The following C2CD3 variants were observed in gnomAD, a reference collection of about 807,000 sequenced individuals.
C2CD3 encodes the protein C2 domain containing 3 centriole elongation regulator.
Under a neutral mutation model 234.0 loss-of-function variants are expected in C2CD3, and 148 were observed. The ratio of observed to expected loss-of-function variants is 0.63; its 90% CI spans 0.55 to 0.72. The LOEUF is 0.72. Among genes scored for constraint, C2CD3 ranks in the 30% least tolerant of loss-of-function variants. The pLI is 0.00. For synonymous variants in C2CD3, 1,000 were observed against 1,035.4 expected (o/e 0.97, Z 0.66); for missense variants, 2,577 against 2,811.5 (o/e 0.92, Z 1.89).
chr11:74,033,213 T>C, intron 31 of C2CD3, 138 bp downstream of exon 31: 3 of 662,714 alleles, frequency 4.5e-6, no homozygotes, highest in Non-Finnish European at 7.6e-6. Flanking sequence ...GCACCTGTCA[T>C]GCAGGTGGGG....
chr11:74,050,235 T>G (rs1407950544), intron 26 of C2CD3, among the ~76,000 whole-genome samples: 1 of 152,240 alleles, frequency 6.6e-6, no homozygotes, highest in Non-Finnish European at 1.5e-5. Flanking sequence ...TCTCTATATT[T>G]TCCAAATTTT....
At chr11:74,092,048 A>G (rs897414004) in intron 19 of C2CD3, among the ~76,000 whole-genome samples, 54 of 146,730 alleles carry the variant, frequency 3.7e-4, no homozygotes, top group African/African-American at 8.8e-4. Flanking sequence ...GTGTGTGTGT[A>G]TATATATATA....
At chr11:74,093,523 A>C (rs1348802892) in intron 18 of C2CD3, among the ~76,000 whole-genome samples, 6 of 152,048 alleles carry the variant, frequency 3.9e-5, no homozygotes. Flanking sequence ...TAAGGGACGC[A>C]CAAAAAAGGT....
Position 74,033,345 on chromosome 11 carries a change from G to A in C2CD3, c.6809+6C>T. ...CAAACCACTTGTGGGAAATGCCAAA[G>A]GATACAGCAGGAGGCTCTGCTTTGT... On this transcript the variant is annotated splice_donor_region_variant and intron_variant, in intron 31 of 32. Transcript: ENST00000334126. 1 of 1,534,672 alleles carries A rather than the reference G, an allele frequency of 6.5e-7. No homozygotes were observed. Among genetic ancestry groups the A allele is most frequent in the East Asian group, 2.4e-5 (1 of 40,900 alleles).
intron 29 of C2CD3, among the ~76,000 whole-genome samples, chr11:74,040,217 A>T (rs561003222): frequency 1.3e-5 from 2 of 152,258 alleles, no homozygotes; most frequent in East Asian, 3.9e-4. Context: ...TGCGCTCCTT[A>T]TGAGAATCTA....
chr11:74,069,372 A>T (rs569098703), intron 24 of C2CD3, among the ~76,000 whole-genome samples: 2 of 152,280 alleles, frequency 1.3e-5, no homozygotes, highest in East Asian at 3.9e-4. Context: ...AGGCTGCTAT[A>T]CCCCCCACAG....
Position 74,037,584 on chromosome 11 carries a change from G to A in C2CD3, c.5775C>T (p.Ser1925=). Residue 1925 remains serine (S), a synonymous_variant, in exon 30 of 33, where the codon AGC becomes AGT. Coordinates refer to ENST00000334126, the MANE Select transcript of C2CD3 (RefSeq NM_001286577.2). The part of the protein sequence containing the change: ...TQTAISQHQE[S]CRDHLGPGAS... ...CACCTGGCCCAAGATGGTCCCTACA[G>A]CTCTCCTGGTGCTGTGAGATGGCCG... The A allele has an allele frequency of 6.2e-7, 1 of 1,614,110 alleles. No individual in the cohort carries two copies. The highest frequency in any genetic ancestry group is 8.5e-7 in the Non-Finnish European group (1 of 1,179,980).
At chr11:74,043,391 G>A (rs547920425) in intron 28 of C2CD3, among the ~76,000 whole-genome samples, 1 of 152,276 alleles carries the variant, frequency 6.6e-6, no homozygotes, top group South Asian at 2.1e-4. Flanking sequence ...CTACTCAGTT[G>A]ACGGGCATGA....
chr11:74,133,339 TTAC>T, intron 6 of C2CD3, 83 bp downstream of exon 6: 2 of 1,182,158 alleles, frequency 1.7e-6, no homozygotes, highest in South Asian at 2.6e-5. Context: ...ATTTCCAAGA[TTAC>T]CTAGTCCATA....
intron 9 of C2CD3, among the ~76,000 whole-genome samples, chr11:74,117,009 T>C (rs557195922): frequency 8.0e-6 from 1 of 124,326 alleles, no homozygotes; most frequent in African/African-American, 3.1e-5. Context: ...TATGTATATA[T>C]ACACATATAT....
chr11:74,133,137 T>C (rs1455568686), intron 6 of C2CD3, among the ~76,000 whole-genome samples, 165 bp from the exon 7 acceptor site: 1 of 152,178 alleles, frequency 6.6e-6, no homozygotes, highest in Non-Finnish European at 1.5e-5. Flanking sequence ...TTTCCTACAG[T>C]AGAATCCCAT....
Position 74,033,757 on chromosome 11 carries a change from T to C in C2CD3, c.6403A>G (p.Arg2135Gly). ...VKSSFLSSPE[R>G]AVNPHLPRQG... ...CTAGGCAGGTGGGGGTTGACAGCCC[T>C]TTCTGGGCTGGAGAGAAAGCTACTT... The change falls in exon 31 of 33, where the codon AGG becomes GGG. Residue 2135 changes from arginine to glycine, a missense_variant. By Grantham distance (125) the Arg-to-Gly change is moderately radical. Transcript: ENST00000334126. 6.5e-7 allele frequency: 1 copy of C among 1,536,338 alleles called. No homozygotes were observed. Among genetic ancestry groups the C allele is most frequent in the Non-Finnish European group, 8.7e-7 (1 of 1,146,958 alleles).
chr11:74,036,581 T>C (rs1952753748), intron 30 of C2CD3: 2 of 450,760 alleles, frequency 4.4e-6, no homozygotes, highest in Non-Finnish European at 8.9e-6. Context: ...TTCATCCCTG[T>C]GTAGAATCTA....
At chr11:74,114,154 T>A (rs1278463867) in intron 10 of C2CD3, among the ~76,000 whole-genome samples, 1 of 152,212 alleles carries the variant, frequency 6.6e-6, no homozygotes, top group Admixed American at 6.5e-5. Flanking sequence ...TGTTTCTCTC[T>A]CCTGCTAACT....
At chr11:74,127,559 G>A (rs57384187) in intron 7 of C2CD3, among the ~76,000 whole-genome samples, 10,206 of 151,608 alleles carry the variant, frequency 0.067, 860 homozygotes, top group African/African-American at 0.2. Context: ...ATAGATGTAT[G>A]TTGTAGTTTC....
chr11:74,150,479 C>T (rs567232731), intron 3 of C2CD3, among the ~76,000 whole-genome samples: 1 of 77,806 alleles, frequency 1.3e-5, no homozygotes, highest in Non-Finnish European at 2.3e-5. Context: ...GGCTACAGAG[C>T]AAGACCCTGT....
At chr11:74,159,097 T>C (rs1265028292) in intron 3 of C2CD3, among the ~76,000 whole-genome samples, 1 of 152,208 alleles carries the variant, frequency 6.6e-6, no homozygotes, top group African/African-American at 2.4e-5. Flanking sequence ...GAAAAATTCC[T>C]ATCGCCTAGT....
Position 74,132,890 on chromosome 11 carries a change from G to A in C2CD3, c.1171C>T (p.His391Tyr). 6.2e-7 allele frequency: 1 copy of A among 1,613,842 alleles called. No individual in the cohort carries two copies. Among genetic ancestry groups the A allele is most frequent in the South Asian group, 1.1e-5 (1 of 91,078 alleles). Residue 391 changes from histidine to tyrosine, a missense_variant, in exon 7 of 33, where the codon CAT (histidine) becomes TAT (tyrosine). His to Tyr is a moderately conservative substitution (Grantham distance 83). Coordinates refer to ENST00000334126, the MANE Select transcript of C2CD3 (RefSeq NM_001286577.2). ...GCTCTGGTATCAGCTTTTGTGTCAT[G>A]TCTCCAAAATGTATTCTCAGTTGAA... ...LPSTENTFWR[H>Y]DTKADTRAIQ...
At position 74,168,470 on chromosome 11, in the gene C2CD3, C is replaced by A. The variant is rs773893373; in HGVS notation, c.199G>T (p.Gly67Ter). The A allele has an allele frequency of 6.2e-7, 1 of 1,614,180 alleles. No individual in the cohort carries two copies. Among genetic ancestry groups the A allele is most frequent in the South Asian group, 1.1e-5 (1 of 91,082 alleles). Residue 67 changes from glycine (G) to a stop codon, truncating the protein, a stop_gained, in exon 2 of 33, where the codon GGA (glycine) becomes TGA (stop). Coordinates refer to ENST00000334126, the MANE Select transcript of C2CD3 (RefSeq NM_001286577.2). LOFTEE classifies it high-confidence loss of function. ...AAGAGGGTTCCATCTGATGTTTCTC[C>A]CCACCATCTCACTCGGACAAGTACA... The part of the protein sequence containing the change: ...TCVLVRVRWW[G>*]ETSDGTLFCP...
Sources: allele counts gnomAD v4.1 joint callset (sites outside exome capture counted in the v4.1 genomes callset), GRCh38; gene constraint gnomAD v4.1.1; transcripts MANE v1.5; gene names NCBI Gene and HGNC (gene_info 2026-07-23, HGNC 2026-07-21).